The following SNTG2 variants were observed in gnomAD, a reference collection of about 807,000 sequenced individuals.
The protein encoded by SNTG2 is gamma-2-syntrophin.
Under a neutral mutation model 70.9 loss-of-function variants are expected in SNTG2, and 74 were observed. The ratio of observed to expected loss-of-function variants is 1.04; its 90% CI spans 0.86 to 1.27. The LOEUF is 1.27. Ranked by LOEUF, SNTG2 falls within the 50% of genes most tolerant of loss-of-function variation. SNTG2 has a pLI of 0.00. For synonymous variants in SNTG2, 278 were observed against 273.8 expected (o/e 1.02, Z -0.15); for missense variants, 717 against 690.7 (o/e 1.04, Z -0.43).
chr2:1,120,849 T>C (rs1019462348), intron 4 of SNTG2, among the ~76,000 whole-genome samples: 1 of 152,082 alleles, frequency 6.6e-6, no homozygotes, highest in Non-Finnish European at 1.5e-5. Flanking sequence ...ATAGTTCAAC[T>C]AGACAGAAAA....
At chr2:1,004,609 G>C (rs1245044858) in intron 1 of SNTG2, among the ~76,000 whole-genome samples, 2 of 152,174 alleles carry the variant, frequency 1.3e-5, no homozygotes, top group Non-Finnish European at 2.9e-5. Context: ...GCCGCAATGA[G>C]ACAACCCTAC....
At chr2:1,306,685 A>AGTGTGTGTGTGTGTGT (rs34835668) in intron 14 of SNTG2, among the ~76,000 whole-genome samples, 66 of 149,106 alleles carry the variant, frequency 4.4e-4, no homozygotes, top group South Asian at 2.1e-3. Flanking sequence ...CCAGGGTGTG[A>AGTGTGTGTGTGTGTGT]GTGTGTGTGT....
At chr2:1,177,291 G>A (rs761995919) in intron 8 of SNTG2, among the ~76,000 whole-genome samples, 3 of 152,074 alleles carry the variant, frequency 2.0e-5, no homozygotes, top group Non-Finnish European at 4.4e-5. Context: ...AGAACACATG[G>A]AGGGGAACAG....
At chr2:1,359,104 C>G (rs1248736567) in intron 16 of SNTG2, among the ~76,000 whole-genome samples, 1 of 152,044 alleles carries the variant, frequency 6.6e-6, no homozygotes, top group Non-Finnish European at 1.5e-5. Context: ...AATGACATAT[C>G]TTGGAGATGG....
At chr2:1,342,038 T>A (rs888463413) in intron 16 of SNTG2, among the ~76,000 whole-genome samples, 3 of 152,110 alleles carry the variant, frequency 2.0e-5, no homozygotes, top group African/African-American at 7.2e-5. Context: ...ATGAACAACA[T>A]GCTGTAGCCT....
chr2:1,108,946 TCGGG>T (rs1666248561), intron 4 of SNTG2, among the ~76,000 whole-genome samples: 1 of 15,768 alleles, frequency 6.3e-5, no homozygotes, highest in Non-Finnish European at 2.4e-4. Context: ...GTGCTGTCAC[TCGGG>T]TGCAGGGTAT....
intron 12 of SNTG2, among the ~76,000 whole-genome samples, chr2:1,250,782 G>A (rs765261372): frequency 1.3e-5 from 2 of 151,964 alleles, no homozygotes. Context: ...TCTTCTCGAG[G>A]TCTCTTCCTT....
intron 1 of SNTG2, among the ~76,000 whole-genome samples, chr2:1,072,715 G>A (rs1040031714): frequency 5.3e-5 from 8 of 152,122 alleles, no homozygotes; most frequent in Admixed American, 1.3e-4. Context: ...ATCTCATAAA[G>A]TTATAGCCGC....
intron 7 of SNTG2, among the ~76,000 whole-genome samples, chr2:1,167,265 C>T (rs115787587): frequency 0.024 from 3,605 of 151,304 alleles, 109 homozygotes; most frequent in African/African-American, 0.083. Flanking sequence ...ACCAACAAGC[C>T]GCCCACAGAC....
chr2:1,302,852 T>A (rs1296609511), intron 14 of SNTG2, among the ~76,000 whole-genome samples: 2 of 152,082 alleles, frequency 1.3e-5, no homozygotes, highest in Non-Finnish European at 2.9e-5. Flanking sequence ...TATTATCAGA[T>A]AAAGGAGACT....
chr2:1,366,522 G>GT (rs1335293542), intron 16 of SNTG2, among the ~76,000 whole-genome samples: 1 of 152,184 alleles, frequency 6.6e-6, no homozygotes, highest in Non-Finnish European at 1.5e-5. Flanking sequence ...ACATGCGGAG[G>GT]TAAGGATCCA....
At chr2:1,005,828 T>TTAACGTTGAC (rs1558306120) in intron 1 of SNTG2, among the ~76,000 whole-genome samples, 6 of 31,118 alleles carry the variant, frequency 1.9e-4, no homozygotes, top group Admixed American at 4.5e-4. Flanking sequence ...TATATATATA[T>TTAACGTTGAC]ATATATATAT....
intron 1 of SNTG2, among the ~76,000 whole-genome samples, chr2:1,049,336 AACCCCTGAC>A (rs1661920566): frequency 5.9e-5 from 9 of 152,072 alleles, no homozygotes; most frequent in Admixed American, 5.9e-4. Flanking sequence ...CCTCCCTCTC[AACCCCTGAC>A]AGCCACTGAT....
chr2:1,194,430 C>CT, intron 8 of SNTG2, among the ~76,000 whole-genome samples: 1 of 152,166 alleles, frequency 6.6e-6, no homozygotes, highest in Non-Finnish European at 1.5e-5. Flanking sequence ...ATGTGGGAAT[C>CT]TTTCTTTCTT....
intron 9 of SNTG2, among the ~76,000 whole-genome samples, chr2:1,232,189 G>A (rs751521474): frequency 3.5e-4 from 54 of 152,316 alleles, no homozygotes; most frequent in Middle Eastern, 6.8e-3. Flanking sequence ...ACAGAGAAGG[G>A]TGAGGAGGTG....
intron 1 of SNTG2, among the ~76,000 whole-genome samples, chr2:986,101 GAGAGA>G: frequency 6.6e-6 from 1 of 151,320 alleles, no homozygotes; most frequent in South Asian, 2.1e-4. Context: ...GAGAGAGAGA[GAGAGA>G]GAGATCAGAG....
At chr2:994,326 T>G (rs1661603670) in intron 1 of SNTG2, among the ~76,000 whole-genome samples, 1 of 152,084 alleles carries the variant, frequency 6.6e-6, no homozygotes, top group Admixed American at 6.5e-5. Flanking sequence ...CATGTGAGGG[T>G]TTATTTCTGG....
At chr2:1,342,207 T>C (rs1459618106) in intron 16 of SNTG2, among the ~76,000 whole-genome samples, 1 of 147,606 alleles carries the variant, frequency 6.8e-6, no homozygotes, top group African/African-American at 2.6e-5. Context: ...GTTTCTTGCT[T>C]CTGGCTTGTT....
chr2:966,891 G>A (rs1202160844), intron 1 of SNTG2, among the ~76,000 whole-genome samples: 2 of 152,080 alleles, frequency 1.3e-5, no homozygotes, highest in Non-Finnish European at 2.9e-5. Context: ...GGGTTGCAGT[G>A]AGCCGAGATC....
Sources: allele counts gnomAD v4.1 joint callset (sites outside exome capture counted in the v4.1 genomes callset), GRCh38; gene constraint gnomAD v4.1.1; transcripts MANE v1.5; gene names NCBI Gene and HGNC (gene_info 2026-07-23, HGNC 2026-07-21).